Variants in LMO7 observed in about 807,000 individuals in gnomAD.
The protein encoded by LMO7 is LIM domain only protein 7.
A neutral mutation model predicts 206.5 loss-of-function variants in LMO7; 120 were observed. That is an observed-to-expected ratio of 0.58 (90% CI 0.50 to 0.68). LMO7 has a LOEUF of 0.68. Ranked by LOEUF, LMO7 falls within the 30% of genes least tolerant of loss-of-function variation. The probability of loss-of-function intolerance (pLI) is 0.00; values close to 1 mark genes in which losing one functional copy is unlikely to be tolerated. For missense variants in LMO7, 1,959 were observed against 1,957.9 expected, an observed-to-expected ratio of 1.00 and a Z score of -0.01; for synonymous variants, 706 against 681.5, an observed-to-expected ratio of 1.04 and a Z score of -0.56.
chr13:75,654,745 G>A (rs2037884961), intron 1 of LMO7, among the ~76,000 whole-genome samples: 1 of 151,954 alleles, frequency 6.6e-6, no homozygotes, highest in South Asian at 2.1e-4. Flanking sequence ...TAGGATCTTG[G>A]TCTATCGTTT....
intron 3 of LMO7, among the ~76,000 whole-genome samples, chr13:75,737,268 A>G (rs1026643904): frequency 2.6e-5 from 4 of 152,112 alleles, no homozygotes; most frequent in Non-Finnish European, 4.4e-5. Flanking sequence ...ATTGCTGGCA[A>G]ATCATAGATT....
At chr13:75,636,237 C>T (rs2035821302), upstream of LMO7, 2 of 925,204 alleles carry the variant, frequency 2.2e-6, no homozygotes, top group Non-Finnish European at 2.5e-6. Context: ...CAGACGGAAG[C>T]GGCGACTCGG....
chr13:75,640,050 T>C (rs193060097), intron 1 of LMO7, among the ~76,000 whole-genome samples: 1 of 142,024 alleles, frequency 7.0e-6, no homozygotes, highest in Admixed American at 7.0e-5. Context: ...CTTTTTTGCC[T>C]TTGGTGCTAA....
intron 2 of LMO7, 61 bp from the exon 3 acceptor site, chr13:75,726,968 T>C: frequency 4.4e-6 from 4 of 915,616 alleles, no homozygotes; most frequent in East Asian, 2.4e-5. Context: ...TTTTTGAGAA[T>C]GCTAACAAAA....
At chr13:75,793,783 A>G (rs926455411) in intron 4 of LMO7, among the ~76,000 whole-genome samples, 5 of 152,160 alleles carry the variant, frequency 3.3e-5, no homozygotes, top group African/African-American at 4.8e-5. Context: ...AGCACAAACA[A>G]TTGTCATCCT....
Position 75,670,966 on chromosome 13 carries a change from C to CTTT in LMO7, c.69+34255_69+34257dup, listed in dbSNP as rs552236505. On this transcript the variant is annotated intron_variant, in intron 1 of 30. Transcript: ENST00000377534. ...TACCTTTTTTTTTTAATGTTTAAAA[C>CTTT]TTTTTTTTTTTTTTTTTACTATTTA... Among the ~76,000 whole-genome samples the CTTT allele has an allele frequency of 5.0e-5, 5 of 100,082 alleles. 1 individual carries two copies. The highest frequency in any genetic ancestry group is 8.2e-5 in the Non-Finnish European group (4 of 48,500). The allele number at this position is 100,082 out of a possible 152,430, so 65.7% of individuals were successfully genotyped here.
intron 1 of LMO7, among the ~76,000 whole-genome samples, chr13:75,662,153 G>C (rs1452379055): frequency 1.3e-5 from 2 of 152,028 alleles, no homozygotes; most frequent in Non-Finnish European, 2.9e-5. Flanking sequence ...TTCATTATGT[G>C]ATACTCAAAA....
At chr13:75,783,511 A>C (rs942863588) in intron 4 of LMO7, among the ~76,000 whole-genome samples, 7 of 152,098 alleles carry the variant, frequency 4.6e-5, no homozygotes, top group Non-Finnish European at 1.0e-4. Context: ...TTGGAAGAGA[A>C]GGGGTTTCAT....
chr13:75,767,272 T>G lies in LMO7; in HGVS notation c.317+6234T>G, dbSNP rs147355223. Reference sequence around the variant, plus strand: ...ACATTTCAGTGTCTTCATATCATAATCACTGATCACTTTTTATCTTGTGAA... The same window carrying G: ...ACATTTCAGTGTCTTCATATCATAAGCACTGATCACTTTTTATCTTGTGAA... On this transcript the variant is annotated intron_variant, in intron 4 of 30. Coordinates refer to ENST00000377534, the MANE Select transcript of LMO7 (RefSeq NM_001306080.2). 2.0e-3 allele frequency among the ~76,000 whole-genome samples: 297 copies of G among 152,244 alleles called. 1 individual carries two copies. Among genetic ancestry groups the G allele is most frequent in the African/African-American group, 6.7e-3 (277 of 41,568 alleles).
chr13:75,789,610 T>G (rs935458908), intron 4 of LMO7, among the ~76,000 whole-genome samples: 1 of 152,168 alleles, frequency 6.6e-6, no homozygotes, highest in Non-Finnish European at 1.5e-5. Flanking sequence ...TTTGATGGAC[T>G]CTGGTATGCA....
chr13:75,779,569 T>G lies in LMO7; in HGVS notation c.318-15832T>G, dbSNP rs2051006928. On this transcript the variant is annotated intron_variant, in intron 4 of 30. Coordinates refer to ENST00000377534, the MANE Select transcript of LMO7 (RefSeq NM_001306080.2). The stretch of plus-strand genomic sequence containing the variant: ...AGCCTGTCACTTCTTTCTCAATGAT[T>G]TATACAGGATGATTGGTGATACTCT... 2.6e-5 allele frequency among the ~76,000 whole-genome samples: 4 copies of G among 152,230 alleles called. 1 individual carries two copies. The highest frequency in any genetic ancestry group is 2.6e-4 in the Admixed American group (4 of 15,292).
At chr13:75,818,419 G>A (rs1477284317) in intron 12 of LMO7, among the ~76,000 whole-genome samples, 1 of 152,114 alleles carries the variant, frequency 6.6e-6, no homozygotes, top group African/African-American at 2.4e-5. Flanking sequence ...GACCTTGAAT[G>A]TGCTTCTGTT....
At chr13:75,678,757 T>A (rs998186994) in intron 1 of LMO7, among the ~76,000 whole-genome samples, 1 of 152,244 alleles carries the variant, frequency 6.6e-6, no homozygotes, top group Non-Finnish European at 1.5e-5. Context: ...AAATAATTTT[T>A]TTTCTGTTTG....
intron 3 of LMO7, among the ~76,000 whole-genome samples, chr13:75,734,455 T>C (rs543996723): frequency 3.9e-5 from 6 of 152,328 alleles, no homozygotes; most frequent in Admixed American, 2.6e-4. Flanking sequence ...ATTTTTACAC[T>C]ATTCATGCTG....
chr13:75,730,523 T>G (rs569359362), intron 3 of LMO7, among the ~76,000 whole-genome samples: 108 of 152,142 alleles, frequency 7.1e-4, no homozygotes, highest in African/African-American at 2.5e-3. Flanking sequence ...CTCTCTTTTT[T>G]CCTTTATTAG....
rs180700730 is a variant in LMO7, at chr13:75,790,445, C to T, written c.318-4956C>T. Among the ~76,000 whole-genome samples, 332 of 152,282 alleles carry T rather than the reference C, an allele frequency of 2.2e-3. 1 individual carries two copies. Among genetic ancestry groups the T allele is most frequent in the Non-Finnish European group, 4.0e-3 (274 of 68,032 alleles). ...AGTGAAAGTGGAGCCAGAATTTACA[C>T]ACTGGAGGTCTGAACCCCAAAGTCC... On this transcript the variant is annotated intron_variant, in intron 4 of 30. Transcript: ENST00000377534.
intron 26 of LMO7, among the ~76,000 whole-genome samples, chr13:75,848,431 T>TTATTTATCTATC (rs1555348052): frequency 2.5e-4 from 38 of 150,640 alleles, no homozygotes; most frequent in African/African-American, 9.3e-4. Context: ...TTCCATGCGA[T>TTATTTATCTATC]TATCTATCTA....
chr13:75,848,449 A>ATCTATCTG (rs2060182648), intron 26 of LMO7, among the ~76,000 whole-genome samples: 1 of 151,890 alleles, frequency 6.6e-6, no homozygotes, highest in African/African-American at 2.4e-5. Context: ...CTATCTATCT[A>ATCTATCTG]TCTATCTATC....
chr13:75,830,015 A>G (rs1237357777), intron 15 of LMO7, among the ~76,000 whole-genome samples: 2 of 152,174 alleles, frequency 1.3e-5, no homozygotes, highest in Non-Finnish European at 2.9e-5. Flanking sequence ...GTCTTCAGGA[A>G]TCTAGGTTTC....
Sources: gnomAD v4.1 joint callset for allele counts (sites outside exome capture counted in the v4.1 genomes callset) on GRCh38, gnomAD v4.1.1 for gene constraint, MANE v1.5 for transcripts, NCBI Gene and HGNC (gene_info 2026-07-23, HGNC 2026-07-21) for gene names.